Variants in RANBP2 observed in about 807,000 individuals in gnomAD.
The protein encoded by RANBP2 is RAN binding protein 2.
RANBP2 carries 57 observed loss-of-function variants against 303.6 expected under a neutral mutation model. That is an observed-to-expected ratio of 0.19 (90% CI 0.15 to 0.23). The LOEUF (loss-of-function observed/expected upper bound fraction) is 0.23. Among genes scored for constraint, RANBP2 ranks in the 10% least tolerant of loss-of-function variants. The pLI, the probability that RANBP2 is intolerant of heterozygous loss-of-function variation, is 1.00. For synonymous variants in RANBP2, 1,167 were observed against 1,301.5 expected (o/e 0.90, Z 2.23); for missense variants, 3,138 against 3,780.8 (o/e 0.83, Z 4.46).
At chr2:108,726,178 G>A (rs1019477390) in intron 1 of RANBP2, among the ~76,000 whole-genome samples, 1 of 152,070 alleles carries the variant, frequency 6.6e-6, no homozygotes. Context: ...AAAATCTCAC[G>A]GCCTCCTGCT....
intron 6 of RANBP2, among the ~76,000 whole-genome samples, chr2:108,737,870 C>T (rs192050529): frequency 0.096 from 14,530 of 151,312 alleles, 990 homozygotes; most frequent in African/African-American, 0.19. Flanking sequence ...CCCACCACCA[C>T]GCTCCGCTAA....
chr2:109,543,382 A>G, the RANBP2 span: 5 of 152,194 alleles, frequency 3.3e-5, no homozygotes, highest in African/African-American at 7.2e-5. Context: ...ACTTTTAAAG[A>G]TATTTTGTTT....
At chr2:109,060,557 A>C in the RANBP2 span, among the ~76,000 whole-genome samples, 217 of 152,332 alleles carry the variant, frequency 1.4e-3, no homozygotes, top group Non-Finnish European at 2.3e-3. Flanking sequence ...TTGTGAATAG[A>C]TAATACTCAA....
chr2:109,104,108 T>C, the RANBP2 span, among the ~76,000 whole-genome samples: 1 of 152,144 alleles, frequency 6.6e-6, no homozygotes, highest in Admixed American at 6.5e-5. Flanking sequence ...TCTTTACAGA[T>C]GAAAATTTTT....
At chr2:108,877,852 T>A in the RANBP2 span, among the ~76,000 whole-genome samples, 4 of 152,280 alleles carry the variant, frequency 2.6e-5, no homozygotes, top group Admixed American at 6.5e-5. Flanking sequence ...AATGGTAAGT[T>A]ACAAGGATAA....
the RANBP2 span, among the ~76,000 whole-genome samples, chr2:109,114,614 T>A: frequency 6.6e-6 from 1 of 152,078 alleles, no homozygotes; most frequent in Non-Finnish European, 1.5e-5. Context: ...TTGAAGGGCT[T>A]TTTGTGTCTC....
the RANBP2 span, among the ~76,000 whole-genome samples, chr2:109,682,583 C>G: frequency 2.0e-5 from 3 of 152,180 alleles, no homozygotes; most frequent in Non-Finnish European, 4.4e-5. Flanking sequence ...GAAGACGGGT[C>G]AGACCTGCCA....
chr2:108,878,953 CAA>C, the RANBP2 span, among the ~76,000 whole-genome samples: 2 of 151,770 alleles, frequency 1.3e-5, no homozygotes, highest in South Asian at 2.1e-4. Context: ...ATAGATATAG[CAA>C]AAAATAGAAT....
At chr2:109,144,310 CTG>C in the RANBP2 span, among the ~76,000 whole-genome samples, 1 of 152,142 alleles carries the variant, frequency 6.6e-6, no homozygotes. Context: ...TTTTATTTGT[CTG>C]TTATACCTCA....
chr2:109,172,270 C>T, the RANBP2 span, among the ~76,000 whole-genome samples: 3 of 152,192 alleles, frequency 2.0e-5, no homozygotes, highest in African/African-American at 7.2e-5. Context: ...CTGTGGGCAA[C>T]AGCTGCGTGT....
the RANBP2 span, among the ~76,000 whole-genome samples, chr2:108,838,123 T>G: frequency 6.6e-6 from 1 of 152,062 alleles, no homozygotes; most frequent in East Asian, 1.9e-4. Context: ...CTGGTAAGAT[T>G]ACGGCAGAGA....
the RANBP2 span, among the ~76,000 whole-genome samples, chr2:109,529,211 C>T: frequency 3.6e-4 from 55 of 152,140 alleles, no homozygotes; most frequent in African/African-American, 1.2e-3. Context: ...CAGGGCCTGG[C>T]ACATGGGGTG....
At chr2:109,223,101 CA>C in the RANBP2 span, among the ~76,000 whole-genome samples, 3 of 152,266 alleles carry the variant, frequency 2.0e-5, no homozygotes, top group Admixed American at 6.5e-5. Context: ...CCATCCCAGA[CA>C]GGGGGAAGCA....
chr2:108,810,035 G>A, the RANBP2 span, among the ~76,000 whole-genome samples: 2 of 152,104 alleles, frequency 1.3e-5, no homozygotes, highest in Admixed American at 1.3e-4. Context: ...TGAACTCCTG[G>A]CCTCAGGTGA....
At chr2:108,901,233 A>G in the RANBP2 span, among the ~76,000 whole-genome samples, 1 of 152,210 alleles carries the variant, frequency 6.6e-6, no homozygotes, top group Non-Finnish European at 1.5e-5. Flanking sequence ...CAGTCTTCTA[A>G]ATAATCCACA....
chr2:109,619,726 C>G, the RANBP2 span, among the ~76,000 whole-genome samples: 1 of 152,092 alleles, frequency 6.6e-6, no homozygotes, highest in Admixed American at 6.5e-5. Flanking sequence ...GATTTATTAA[C>G]CAGTTCACTT....
At chr2:109,519,660 A>G in the RANBP2 span, among the ~76,000 whole-genome samples, 1 of 152,190 alleles carries the variant, frequency 6.6e-6, no homozygotes, top group Non-Finnish European at 1.5e-5. Context: ...AAAAATAGAT[A>G]AAACCACATA....
At chr2:108,937,303 G>T in the RANBP2 span, among the ~76,000 whole-genome samples, 1 of 152,230 alleles carries the variant, frequency 6.6e-6, no homozygotes, top group Admixed American at 6.5e-5. Context: ...AAAGGGGTGG[G>T]CTGTGTCCCT....
At chr2:108,880,890 C>G in the RANBP2 span, among the ~76,000 whole-genome samples, 5 of 152,204 alleles carry the variant, frequency 3.3e-5, no homozygotes, top group Admixed American at 2.6e-4. Context: ...TGAACCAAAA[C>G]GTAATTTCAA....
Sources: gnomAD v4.1 joint callset for allele counts (sites outside exome capture counted in the v4.1 genomes callset) on GRCh38, gnomAD v4.1.1 for gene constraint, MANE v1.5 for transcripts, NCBI Gene and HGNC (gene_info 2026-07-23, HGNC 2026-07-21) for gene names.